MYO1C: variants seen among roughly 807,000 people sequenced by gnomAD.
The protein encoded by MYO1C is myosin IC, also known as unconventional myosin-Ic.
A neutral mutation model predicts 150.8 loss-of-function variants in MYO1C; 104 were observed. The observed-to-expected ratio is 0.69, with a 90% confidence interval of 0.59 to 0.81. The LOEUF is 0.81. MYO1C is among the 30% of genes least tolerant of loss of function. The pLI is 0.00. For missense variants in MYO1C, 1,504 were observed against 1,435.0 expected, an observed-to-expected ratio of 1.05 and a Z score of -0.78; for synonymous variants, 663 against 579.9, an observed-to-expected ratio of 1.14 and a Z score of -2.06.
chr17:1,465,972 G>A (rs997966661), intron 31 of MYO1C, among the ~76,000 whole-genome samples: 4 of 151,102 alleles, frequency 2.6e-5, no homozygotes, highest in South Asian at 4.2e-4. Context: ...CAGCCCCAGC[G>A]CTCAGATTCA....
Position 1,467,887 on chromosome 17 carries a change from C to G in MYO1C, c.2920G>C (p.Asp974His), listed in dbSNP as rs543295879. The G allele has an allele frequency of 6.2e-7, 1 of 1,610,978 alleles. No individual in the cohort carries two copies. The highest frequency in any genetic ancestry group is 1.1e-5 in the South Asian group (1 of 90,872). ...TGTACATGAAGCACAAAAAGACTGT[C>G]GCTCAGGCTGCTGACAGAGATTCCT... is the stretch of plus-strand genomic sequence containing the variant. The part of the protein sequence containing the change: ...LTGISVSSLS[D>H]SLFVLHVQRA... The change falls in exon 29 of 32, where the codon GAC becomes CAC. Residue 974 changes from aspartate to histidine, a missense_variant. Physicochemically the swap from Asp to His is moderately conservative, Grantham distance 81. Transcript: ENST00000648651.
intron 1 of MYO1C, chr17:1,485,367 CCTGCCCCTCCCAGGCTT>C: frequency 9.1e-7 from 1 of 1,094,634 alleles, no homozygotes; most frequent in Non-Finnish European, 1.1e-6. Flanking sequence ...TGGCCGGGGG[CCTGCCCCTCCCAGGCTT>C]GTCCTCACCG....
chr17:1,465,668 A>G lies in MYO1C; in HGVS notation c.*58T>C. The G allele has an allele frequency of 7.6e-7, 1 of 1,319,634 alleles. No individual in the cohort carries two copies. The highest frequency in any genetic ancestry group is 3.0e-5 in the Admixed American group (1 of 32,850). 81.7% of individuals were successfully genotyped at this position (1,319,634 alleles called of 1,614,324 possible). ...AAGTTCGAGTCTTTGGTAACTGGGA[A>G]GGGGAGGAGGAGAAAAGCAAAGCAT... On this transcript the variant is annotated 3_prime_UTR_variant, in exon 32 of 32. Coordinates refer to ENST00000648651, the MANE Select transcript of MYO1C (RefSeq NM_001080779.2).
At chr17:1,483,202 T>C (rs1027220514) in intron 3 of MYO1C, 143 bp from the exon 4 acceptor site, 2 of 811,660 alleles carry the variant, frequency 2.5e-6, no homozygotes, top group East Asian at 5.4e-5. Flanking sequence ...CTCACAGGTG[T>C]GGGCCATGGG....
At position 1,478,788 on chromosome 17, in the gene MYO1C, C is replaced by G. The variant is rs1477079466; in HGVS notation, c.1093-53G>C. 1 of 1,607,570 alleles carries G rather than the reference C, an allele frequency of 6.2e-7. No individual in the cohort carries two copies. The highest frequency in any genetic ancestry group is 8.5e-7 in the Non-Finnish European group (1 of 1,179,832). ...TGAATGCCACAGAGCCTGTGCATCCCACCTGCTCCCAGGCTCAGGCAGACC... is the reference window on the plus strand; with the variant it reads ...TGAATGCCACAGAGCCTGTGCATCCGACCTGCTCCCAGGCTCAGGCAGACC... On this transcript the variant is annotated intron_variant, in intron 9 of 31. Coordinates refer to ENST00000648651, the MANE Select transcript of MYO1C (RefSeq NM_001080779.2). The surrounding 1 kb of genome is among the most constrained non-coding windows in gnomAD (Gnocchi z 6.3).
At position 1,477,804 on chromosome 17, in the gene MYO1C, C is replaced by G. The variant is rs2074430195; in HGVS notation, c.1482+87G>C. 3.0e-6 allele frequency: 4 copies of G among 1,353,400 alleles called. No individual in the cohort carries two copies. The African/African-American group carries it at 5.7e-5, about 19-fold the overall frequency. 83.8% of individuals were successfully genotyped at this position (1,353,400 alleles called of 1,614,324 possible). A position where few individuals can be genotyped will look rare whatever the true frequency, so the allele number is the denominator to read the frequency against. On this transcript the variant is annotated intron_variant, in intron 13 of 31. Transcript: ENST00000648651. Reference sequence around the variant, plus strand: ...CTACTCAGCCCCAAACTCTGGCCCTCCGTGGACCAGCCTGGAGAGAACGGA... The same window carrying G: ...CTACTCAGCCCCAAACTCTGGCCCTGCGTGGACCAGCCTGGAGAGAACGGA...
At chr17:1,471,660 G>T (rs894912808) in intron 19 of MYO1C, among the ~76,000 whole-genome samples, 4 of 152,174 alleles carry the variant, frequency 2.6e-5, no homozygotes, top group Non-Finnish European at 5.9e-5. Context: ...TGCCCGGCAC[G>T]TGGACGGAGG....
At position 1,488,106 on chromosome 17, in the gene MYO1C, C is replaced by A. The variant is rs555055503; in HGVS notation, c.76-3803G>T. Among the ~76,000 whole-genome samples the A allele has an allele frequency of 2.8e-4, 42 of 152,244 alleles. No individual in the cohort carries two copies. The Middle Eastern group carries it at 0.01, about 37-fold the overall frequency. On this transcript the variant is annotated intron_variant, in intron 1 of 31. Coordinates refer to ENST00000648651, the MANE Select transcript of MYO1C (RefSeq NM_001080779.2). ...GGGCCGGGGGCGTGGCAGGAGCCAG[C>A]GGGGGCGCGGCCAGAGGACGGGGCG...
intron 1 of MYO1C, chr17:1,484,962 G>C (rs1167639105): frequency 2.1e-6 from 1 of 477,302 alleles, no homozygotes; most frequent in African/African-American, 2.2e-5. Flanking sequence ...GGTTCCCCCA[G>C]AGGGCCTCCC....
intron 16 of MYO1C, 38 bp downstream of exon 16, chr17:1,474,774 T>TGC: frequency 6.9e-6 from 11 of 1,597,314 alleles, no homozygotes; most frequent in East Asian, 2.2e-5. Context: ...CTGTGGGCTA[T>TGC]CCCCACCCCC....
rs76826401 is a variant in MYO1C at position 1,478,597 on chromosome 17, G to C, written c.1212+19C>G. 0.034 allele frequency: 54,405 copies of C among 1,613,984 alleles called. 1,067 individuals carry two copies. Among genetic ancestry groups the C allele is most frequent in the Non-Finnish European group, 0.04 (47,786 of 1,179,970 alleles). On this transcript the variant is annotated intron_variant, in intron 10 of 31. Coordinates refer to ENST00000648651, the MANE Select transcript of MYO1C (RefSeq NM_001080779.2). This position sits in a 1 kb window ranked among gnomAD's most constrained non-coding sequence, Gnocchi z 6.3. ...GGCCCTCCCTTCTGCCTTGGGAGCA[G>C]TGTGGACCGAGCCCTCACCTTGGAG...
In MYO1C at chr17:1,483,601, G is replaced by A; in HGVS notation, c.347+9C>T. The A allele has an allele frequency of 1.3e-6, 2 of 1,597,990 alleles. No individual in the cohort carries two copies. Among genetic ancestry groups the A allele is most frequent in the Non-Finnish European group, 1.7e-6 (2 of 1,170,846 alleles). On this transcript the variant is annotated intron_variant, in intron 3 of 31. Coordinates refer to ENST00000648651, the MANE Select transcript of MYO1C (RefSeq NM_001080779.2). ...AGGGGTCGCTCCCGGAGGGGCTGGG[G>A]TCACTCACAGGTGAGGGGGCACTTC...
intron 1 of MYO1C, among the ~76,000 whole-genome samples, chr17:1,487,776 G>C (rs1173452225): frequency 2.0e-5 from 3 of 152,198 alleles, no homozygotes; most frequent in Non-Finnish European, 1.5e-5. Flanking sequence ...AAAATTAGCT[G>C]AGCGTGGTGG....
intron 1 of MYO1C, chr17:1,485,775 TGGC>T (rs934285562): frequency 5.0e-6 from 5 of 1,001,328 alleles, no homozygotes; most frequent in Non-Finnish European, 6.0e-6. Context: ...TCGGCGGCGG[TGGC>T]GGCGGCGTCA....
Position 1,485,191 on chromosome 17 carries a change from G to C in MYO1C, c.76-888C>G. 4.2e-6 allele frequency: 5 copies of C among 1,185,818 alleles called. No homozygotes were observed. In the South Asian group the frequency reaches 6.2e-5, roughly 15 times the overall value. 73.5% of individuals were successfully genotyped at this position (1,185,818 alleles called of 1,614,324 possible). A position where few individuals can be genotyped will look rare whatever the true frequency, so the allele number is the denominator to read the frequency against. ...GTGGTGCAGGCTGAGCAAGACCCTCGCCCCACAACCAGGGCTGAGATGGAT... is the reference window on the plus strand; with the variant it reads ...GTGGTGCAGGCTGAGCAAGACCCTCCCCCCACAACCAGGGCTGAGATGGAT... On this transcript the variant is annotated intron_variant, in intron 1 of 31. Coordinates refer to ENST00000648651, the MANE Select transcript of MYO1C (RefSeq NM_001080779.2).
At position 1,469,393 on chromosome 17, in the gene MYO1C, T is replaced by C. The variant is rs1598322306; in HGVS notation, c.2610+138A>G. ...ATAGAGTAGACCAGGGTAAATACGG[T>C]AGATCGGGGTAAATACGGTAGAACG... is the stretch of plus-strand genomic sequence containing the variant. On this transcript the variant is annotated intron_variant, in intron 25 of 31. Transcript: ENST00000648651. 6.2e-6 allele frequency: 5 copies of C among 811,506 alleles called. 1 individual carries two copies. The East Asian group carries it at 1.3e-4, about 22-fold the overall frequency. 50.3% of individuals were successfully genotyped at this position (811,506 alleles called of 1,614,324 possible).
chr17:1,485,589 G>C, intron 1 of MYO1C: 1 of 898,388 alleles, frequency 1.1e-6, no homozygotes, highest in East Asian at 5.0e-5. Flanking sequence ...TTTTCCACCC[G>C]GAATTCCTGG....
intron 16 of MYO1C, 38 bp downstream of exon 16, chr17:1,474,774 T>TCCCCCCCCCCCCCCCCCCCCCCCCC: frequency 1.9e-6 from 3 of 1,597,382 alleles, no homozygotes; most frequent in Non-Finnish European, 2.6e-6. Context: ...CTGTGGGCTA[T>TCCCCCCCCCCCCCCCCCCCCCCCCC]CCCCACCCCC....
Position 1,478,700 on chromosome 17 carries a change from G to GT in MYO1C, c.1127dup (p.Tyr376Ter). ...CAGCCTTGGCGAGGGCGTCTCGTGC[G>GT]TACGCGGCCTGCTCCAGGTTCAGCG... ...LSPLNLEQAA[Y>*]ARDALAKAVY... The change falls in exon 10 of 32, where the codon TAC becomes TAAC. Residue 376 changes from tyrosine to a stop codon, truncating the protein, a stop_gained and frameshift_variant. Coordinates refer to ENST00000648651, the MANE Select transcript of MYO1C (RefSeq NM_001080779.2). LOFTEE classifies it high-confidence loss of function. The surrounding 1 kb of genome is among the most constrained non-coding windows in gnomAD (Gnocchi z 6.3). The GT allele has an allele frequency of 6.2e-7, 1 of 1,614,178 alleles. No individual in the cohort carries two copies. Among genetic ancestry groups the GT allele is most frequent in the Non-Finnish European group, 8.5e-7 (1 of 1,180,042 alleles).
Sources: allele counts gnomAD v4.1 joint callset (sites outside exome capture counted in the v4.1 genomes callset), GRCh38; gene constraint gnomAD v4.1.1; non-coding constraint Gnocchi (gnomAD v3.1); transcripts MANE v1.5; gene names NCBI Gene and HGNC (gene_info 2026-07-23, HGNC 2026-07-21).